The following U2SURP variants were observed in gnomAD, a reference collection of about 807,000 sequenced individuals.
U2SURP encodes U2 snRNP associated SURP domain containing.
U2SURP carries 9 observed loss-of-function variants against 144.9 expected under a neutral mutation model. That is an observed-to-expected ratio of 0.06 (90% CI 0.04 to 0.11). The LOEUF (loss-of-function observed/expected upper bound fraction) is 0.11, where lower values mean the gene tolerates loss of function less well. Ranked by LOEUF, U2SURP falls within the 10% of genes least tolerant of loss-of-function variation. The probability of loss-of-function intolerance (pLI) is 1.00; values close to 1 mark genes in which losing one functional copy is unlikely to be tolerated. For missense variants in U2SURP, 724 were observed against 1,226.7 expected, an observed-to-expected ratio of 0.59 and a Z score of 6.12; for synonymous variants, 408 against 396.8, an observed-to-expected ratio of 1.03 and a Z score of -0.33.
intron 24 of U2SURP, among the ~76,000 whole-genome samples, chr3:143,045,484 T>G (rs949973548): frequency 2.6e-5 from 4 of 152,014 alleles, no homozygotes; most frequent in African/African-American, 9.7e-5. Flanking sequence ...AGCTATTCCC[T>G]CATATAAATG....
intron 14 of U2SURP, 111 bp from the exon 15 acceptor site, chr3:143,028,229 T>C: frequency 7.9e-7 from 1 of 1,259,474 alleles, no homozygotes; most frequent in Non-Finnish European, 1.1e-6. Flanking sequence ...TCTTTGTTTT[T>C]GTTTTATTTA....
Position 143,019,915 on chromosome 3 carries a change from C to G in U2SURP, c.571-54C>G, listed in dbSNP as rs138889920. 61 of 972,454 alleles carry G rather than the reference C, an allele frequency of 6.3e-5. No individual in the cohort carries two copies. The East Asian group carries it at 1.7e-3, about 27-fold the overall frequency. 60.2% of individuals were successfully genotyped at this position (972,454 alleles called of 1,614,324 possible). A position where few individuals can be genotyped will look rare whatever the true frequency, so the allele number is the denominator to read the frequency against. ...TGTAAAAAGGCTCTTATTATTGAAT[C>G]ATTGGTTTTGCTTATCCTTTTGTTT... On this transcript the variant is annotated intron_variant, in intron 6 of 27. Coordinates refer to ENST00000473835, the MANE Select transcript of U2SURP (RefSeq NM_001080415.2).
chr3:143,046,827 T>G (rs1934494089), intron 24 of U2SURP, among the ~76,000 whole-genome samples: 1 of 129,628 alleles, frequency 7.7e-6, no homozygotes, highest in South Asian at 2.6e-4. Flanking sequence ...CTCAATGAGC[T>G]GTTGGGTACA....
At chr3:143,034,309 C>A (rs1055861711) in intron 18 of U2SURP, among the ~76,000 whole-genome samples, 1 of 151,974 alleles carries the variant, frequency 6.6e-6, no homozygotes. Context: ...GAAGCTGAGG[C>A]AGGAGAATCG....
intron 24 of U2SURP, among the ~76,000 whole-genome samples, chr3:143,048,169 G>A (rs1934643547): frequency 6.6e-6 from 1 of 152,230 alleles, no homozygotes; most frequent in Non-Finnish European, 1.5e-5. Flanking sequence ...GGGCTGGATA[G>A]TTAAGAAGCC....
At chr3:143,047,861 G>A (rs1404384028) in intron 24 of U2SURP, among the ~76,000 whole-genome samples, 3 of 90,662 alleles carry the variant, frequency 3.3e-5, no homozygotes, top group South Asian at 3.2e-4. Flanking sequence ...CGGACGGGGC[G>A]GCTGGCCGGG....
At chr3:143,017,595 T>C (rs557735649) in intron 6 of U2SURP, among the ~76,000 whole-genome samples, 9 of 152,206 alleles carry the variant, frequency 5.9e-5, no homozygotes, top group Middle Eastern at 3.4e-3. Context: ...CCCAGCTTTA[T>C]TGAGATATAA....
chr3:143,007,165 C>G (rs1287516383), intron 1 of U2SURP, among the ~76,000 whole-genome samples: 1 of 152,196 alleles, frequency 6.6e-6, no homozygotes, highest in Non-Finnish European at 1.5e-5. Flanking sequence ...TGTCCCTCCC[C>G]ACATTTCTAC....
At chr3:143,039,575 T>C (rs1933989616) in intron 23 of U2SURP, among the ~76,000 whole-genome samples, 1 of 150,822 alleles carries the variant, frequency 6.6e-6, no homozygotes, top group African/African-American at 2.4e-5. Flanking sequence ...TGACACTTTT[T>C]AAAATCATTG....
intron 4 of U2SURP, among the ~76,000 whole-genome samples, chr3:143,015,371 C>T (rs1301318576): frequency 6.6e-6 from 1 of 151,938 alleles, no homozygotes; most frequent in Non-Finnish European, 1.5e-5. Context: ...TGGTGTTTTG[C>T]TCCATGCAGA....
Position 143,031,002 on chromosome 3 carries a change from C to G in U2SURP, c.1611-1782C>G, listed in dbSNP as rs533353975. Reference sequence around the variant, plus strand: ...ATAGATGACTTTGAGGGATTTAAGACTTCAGTAGAGGAAGTAACTCCAGAT... The same window carrying G: ...ATAGATGACTTTGAGGGATTTAAGAGTTCAGTAGAGGAAGTAACTCCAGAT... On this transcript the variant is annotated intron_variant, in intron 16 of 27. Transcript: ENST00000473835. Among the ~76,000 whole-genome samples the G allele has an allele frequency of 5.9e-5, 9 of 152,274 alleles. No homozygotes were observed. The South Asian group carries it at 1.9e-3, about 32-fold the overall frequency.
At chr3:143,010,983 C>A in intron 2 of U2SURP, 124 bp downstream of exon 2, 1 of 652,492 alleles carries the variant, frequency 1.5e-6, no homozygotes, top group South Asian at 3.1e-5. Flanking sequence ...TTCTTTTACT[C>A]TTTTTTTTCT....
chr3:143,019,626 A>C (rs571860488), intron 6 of U2SURP, among the ~76,000 whole-genome samples: 1 of 152,324 alleles, frequency 6.6e-6, no homozygotes, highest in South Asian at 2.1e-4. Context: ...GATTCCAAAG[A>C]TGTTACTTAC....
intron 24 of U2SURP, among the ~76,000 whole-genome samples, chr3:143,049,645 A>AT (rs1934744069): frequency 6.6e-6 from 1 of 152,164 alleles, no homozygotes; most frequent in East Asian, 1.9e-4. Context: ...AGAAGAAGGT[A>AT]TTTTCACCCT....
chr3:143,032,741 A>G (rs748114270), intron 16 of U2SURP, 43 bp from the exon 17 acceptor site: 1 of 1,527,844 alleles, frequency 6.5e-7, no homozygotes, highest in Non-Finnish European at 8.9e-7. Flanking sequence ...TGGCATTTGA[A>G]ATTGTATCTA....
intron 27 of U2SURP, 85 bp downstream of exon 27, chr3:143,055,204 A>C: frequency 7.8e-7 from 1 of 1,290,038 alleles, no homozygotes; most frequent in South Asian, 1.5e-5. Flanking sequence ...TGGTTGGCAT[A>C]CATTTTTTTT....
At chr3:143,045,106 C>G (rs1233705375) in intron 24 of U2SURP, among the ~76,000 whole-genome samples, 1 of 152,122 alleles carries the variant, frequency 6.6e-6, no homozygotes, top group African/African-American at 2.4e-5. Flanking sequence ...TGCGGTGGCT[C>G]ATGCCTGTAA....
At chr3:143,021,320 T>G (rs1936620650) in intron 8 of U2SURP, 30 bp from the exon 9 acceptor site, 1 of 1,569,028 alleles carries the variant, frequency 6.4e-7, no homozygotes, top group African/African-American at 1.4e-5. Flanking sequence ...TTATAAAAAC[T>G]AATAATTGTC....
At chr3:143,049,580 G>A (rs1369052160) in intron 24 of U2SURP, among the ~76,000 whole-genome samples, 4 of 152,082 alleles carry the variant, frequency 2.6e-5, no homozygotes, top group African/African-American at 9.7e-5. Context: ...CTACCACTTG[G>A]AGGATCTTCC....
Sources: allele counts gnomAD v4.1 joint callset (sites outside exome capture counted in the v4.1 genomes callset), GRCh38; gene constraint gnomAD v4.1.1; transcripts MANE v1.5; gene names NCBI Gene and HGNC (gene_info 2026-07-23, HGNC 2026-07-21).